Variants in CASP5 observed in about 807,000 individuals in gnomAD.
CASP5 encodes the protein caspase-5.
In CASP5, 42 loss-of-function variants were observed where a neutral mutation model predicts 45.2. The ratio of observed to expected loss-of-function variants is 0.93; its 90% CI spans 0.73 to 1.20. CASP5 has a LOEUF of 1.20. Among genes scored for constraint, CASP5 ranks in the 50% most tolerant of loss-of-function variants. The probability of loss-of-function intolerance (pLI) is 0.00; values close to 1 mark genes in which losing one functional copy is unlikely to be tolerated. For synonymous variants in CASP5, 209 were observed against 186.2 expected, an observed-to-expected ratio of 1.12 and a Z score of -1.00; for missense variants, 512 against 532.2, an observed-to-expected ratio of 0.96 and a Z score of 0.37.
chr11:105,010,043 A>T (rs3181316), intron 1 of CASP5, among the ~76,000 whole-genome samples: 8,394 of 150,382 alleles, frequency 0.056, 707 homozygotes, highest in African/African-American at 0.19. Flanking sequence ...TCTTCTGTTA[A>T]CTCTATAAAG....
rs148898907 is a variant in CASP5, at chr11:104,996,376, A to C, written c.1207-534T>G. On this transcript the variant is annotated intron_variant, in intron 8 of 9. Transcript: ENST00000260315. ...GTTCTTTTCCCAGGAATACCCTCAAAAGTACAATGTCTAATTCCTAATCAT... is the reference window on the plus strand; with the variant it reads ...GTTCTTTTCCCAGGAATACCCTCAACAGTACAATGTCTAATTCCTAATCAT... 2.4e-4 allele frequency among the ~76,000 whole-genome samples: 36 copies of C among 152,234 alleles called. No homozygotes were observed. The East Asian group carries it at 5.6e-3, about 24-fold the overall frequency.
rs1862786452 is a variant in CASP5 at position 105,018,937 on chromosome 11, GA to G, written c.7+4192del. Among the ~76,000 whole-genome samples the G allele has an allele frequency of 2.0e-5, 3 of 150,792 alleles. No homozygotes were observed. The Admixed American group carries it at 2.0e-4, about 10-fold the overall frequency. Reference sequence around the variant, plus strand: ...ACTCCTCAGCAAATGTAAAAGAACAGAAATTATAACAAACTATCTCTCAGAC... The same window carrying G: ...ACTCCTCAGCAAATGTAAAAGAACAGAATTATAACAAACTATCTCTCAGAC... On this transcript the variant is annotated intron_variant, in intron 1 of 9. Coordinates refer to ENST00000260315, the MANE Select transcript of CASP5 (RefSeq NM_004347.5).
chr11:105,017,825 G>A (rs1037227468), intron 1 of CASP5, among the ~76,000 whole-genome samples: 12 of 151,830 alleles, frequency 7.9e-5, no homozygotes, highest in African/African-American at 2.9e-4. Context: ...GATACTCCTC[G>A]AGAAGAGCAA....
rs143600313 is a variant in CASP5, at chr11:105,003,308, T to G, written c.509A>C (p.Glu170Ala). The G allele has an allele frequency of 3.1e-6, 5 of 1,607,308 alleles. No individual in the cohort carries two copies. The African/African-American group carries it at 6.7e-5, about 22-fold the overall frequency. The change falls in exon 4 of 10, where the codon GAA (glutamate) becomes GCA (alanine). Residue 170 changes from glutamate to alanine, a missense_variant. Glu to Ala is a moderately radical substitution (Grantham distance 107). Transcript: ENST00000260315. ...TNILKLCPREEFLRLCKKNHD... is the reference protein window; with the variant it reads ...TNILKLCPREAFLRLCKKNHD... Reference sequence around the variant, plus strand: ...ATTTTTTTTACACAGTCTCAGGAATTCTTCACGAGGACAAAGTTTGAGTAT... The same window carrying G: ...ATTTTTTTTACACAGTCTCAGGAATGCTTCACGAGGACAAAGTTTGAGTAT...
At chr11:105,000,746 A>G (rs1021984709) in intron 5 of CASP5, among the ~76,000 whole-genome samples, 4 of 151,132 alleles carry the variant, frequency 2.6e-5, no homozygotes, top group African/African-American at 9.7e-5. Context: ...TATATTGTAT[A>G]TTTTTATATG....
chr11:105,019,560 A>G (rs539509661), intron 1 of CASP5, among the ~76,000 whole-genome samples: 44 of 151,232 alleles, frequency 2.9e-4, no homozygotes, highest in African/African-American at 1.0e-3. Flanking sequence ...ATCTAGAAGA[A>G]ATGGATAAGT....
intron 1 of CASP5, among the ~76,000 whole-genome samples, chr11:105,019,470 G>A (rs1288099481): frequency 6.7e-6 from 1 of 150,302 alleles, no homozygotes; most frequent in Non-Finnish European, 1.5e-5. Context: ...ATGATAATGG[G>A]GATATCACCA....
chr11:105,003,695 T>C (rs1459683947), intron 3 of CASP5, among the ~76,000 whole-genome samples: 1 of 152,092 alleles, frequency 6.6e-6, no homozygotes, highest in Non-Finnish European at 1.5e-5. Flanking sequence ...ATTTTTCCAG[T>C]GGTTTTACGC....
chr11:105,017,992 G>T (rs1423113937), intron 1 of CASP5, among the ~76,000 whole-genome samples: 3 of 152,006 alleles, frequency 2.0e-5, no homozygotes, highest in African/African-American at 7.3e-5. Flanking sequence ...AGAGAATGAG[G>T]GCCAATATTC....
rs770844735 is a variant in CASP5, at chr11:105,007,303, C to T, written c.213G>A (p.Met71Ile). 3.1e-6 allele frequency: 5 copies of T among 1,601,708 alleles called. No homozygotes were observed. The highest frequency in any genetic ancestry group is 2.3e-5 in the South Asian group (2 of 88,302). The change falls in exon 3 of 10, where the codon ATG becomes ATA. Residue 71 changes from methionine (M) to isoleucine (I), a missense_variant. Met to Ile is a conservative substitution (Grantham distance 10, BLOSUM62 1). Coordinates refer to ENST00000260315, the MANE Select transcript of CASP5 (RefSeq NM_004347.5). ...KDNHKKKTVK[M>I]LEYLGKDVLH... ...GAACATCTTTGCCCAGGTATTCCAACATCTTAACTGTTTTTTTTTTGTGGT... is the reference window on the plus strand; with the variant it reads ...GAACATCTTTGCCCAGGTATTCCAATATCTTAACTGTTTTTTTTTTGTGGT...
intron 8 of CASP5, 42 bp from the exon 9 acceptor site, chr11:104,995,884 T>G: frequency 7.9e-7 from 1 of 1,257,912 alleles, no homozygotes; most frequent in East Asian, 2.3e-5. Context: ...GGATTTTGGG[T>G]TCTCAGAATG....
chr11:104,998,847 C>T (rs1227211997), intron 7 of CASP5, 38 bp downstream of exon 7: 4 of 1,600,172 alleles, frequency 2.5e-6, no homozygotes, highest in Admixed American at 3.4e-5. Flanking sequence ...GTGGCCTCAG[C>T]ACCCCCAAAT....
Position 105,002,023 on chromosome 11 carries a change from C to T in CASP5, c.717+5G>A. 6.2e-7 allele frequency: 1 copy of T among 1,613,764 alleles called. No homozygotes were observed. The highest frequency in any genetic ancestry group is 1.7e-5 in the Admixed American group (1 of 59,934). On this transcript the variant is annotated splice_donor_5th_base_variant and intron_variant, in intron 5 of 9. Transcript: ENST00000260315. ...ATGAGTGTGAGATGGCTTAGGGGTT[C>T]TTACCCTGGCTGTGAGATTCTTTTC...
At chr11:104,999,557 G>T (rs1170115873) in intron 6 of CASP5, among the ~76,000 whole-genome samples, 2 of 152,054 alleles carry the variant, frequency 1.3e-5, no homozygotes, top group Non-Finnish European at 2.9e-5. Flanking sequence ...TTATTTTTCA[G>T]TGTTCTTTCT....
chr11:105,006,687 G>A (rs1355221637), intron 3 of CASP5, among the ~76,000 whole-genome samples: 1 of 152,180 alleles, frequency 6.6e-6, no homozygotes. Flanking sequence ...TCTGGCTGTA[G>A]ACAGTCTTGT....
At chr11:104,994,884 T>G (rs902452076) in intron 9 of CASP5, among the ~76,000 whole-genome samples, 1 of 152,218 alleles carries the variant, frequency 6.6e-6, no homozygotes, top group African/African-American at 2.4e-5. Flanking sequence ...AAAGTACCTA[T>G]AGTTGAGCAT....
intron 6 of CASP5, 64 bp from the exon 7 acceptor site, chr11:104,999,092 A>G: frequency 7.0e-7 from 1 of 1,435,096 alleles, no homozygotes; most frequent in Non-Finnish European, 9.5e-7. Flanking sequence ...GAAATGCAGA[A>G]CGTGTAGGTT....
Position 104,995,857 on chromosome 11 carries a change from AG to A in CASP5, c.1207-16del. 1 of 1,535,230 alleles carries A rather than the reference AG, an allele frequency of 6.5e-7. No homozygotes were observed. The highest frequency in any genetic ancestry group is 9.0e-7 in the Non-Finnish European group (1 of 1,109,326). On this transcript the variant is annotated splice_polypyrimidine_tract_variant and intron_variant, in intron 8 of 9. Coordinates refer to ENST00000260315, the MANE Select transcript of CASP5 (RefSeq NM_004347.5). ...GATTTCTGTACCTAAAAGAAAAAAC[AG>A]TAGATGAGATATGAGGGATTTTGGG...
intron 3 of CASP5, among the ~76,000 whole-genome samples, chr11:105,005,272 A>G (rs975078664): frequency 6.6e-6 from 1 of 152,078 alleles, no homozygotes; most frequent in African/African-American, 2.4e-5. Flanking sequence ...CAGGATCAGT[A>G]AAGCAATTTC....
Sources: allele counts gnomAD v4.1 joint callset (sites outside exome capture counted in the v4.1 genomes callset), GRCh38; gene constraint gnomAD v4.1.1; transcripts MANE v1.5; gene names NCBI Gene and HGNC (gene_info 2026-07-23, HGNC 2026-07-21).